The following PAPPA variants were observed in gnomAD, a reference collection of about 807,000 sequenced individuals.
PAPPA encodes pappalysin-1.
PAPPA carries 60 observed loss-of-function variants against 164.0 expected under a neutral mutation model. The ratio of observed to expected loss-of-function variants is 0.37; its 90% CI spans 0.30 to 0.45. The LOEUF (loss-of-function observed/expected upper bound fraction) is 0.45, where lower values mean the gene tolerates loss of function less well. Among genes scored for constraint, PAPPA ranks in the 20% least tolerant of loss-of-function variants. The pLI is 1.00. For synonymous variants in PAPPA, 875 were observed against 814.1 expected (o/e 1.07, Z -1.27); for missense variants, 1,782 against 2,087.3 (o/e 0.85, Z 2.85).
At chr9:116,218,970 AT>A (rs1265546906) in intron 4 of PAPPA, among the ~76,000 whole-genome samples, 1 of 152,086 alleles carries the variant, frequency 6.6e-6, no homozygotes, top group African/African-American at 2.4e-5. Flanking sequence ...GGAGTGGGAG[AT>A]GTTACTACTC....
Position 116,334,934 on chromosome 9 carries a change from C to T in PAPPA, c.3471C>T (p.Tyr1157=). 1 of 1,613,896 alleles carries T rather than the reference C, an allele frequency of 6.2e-7. No individual in the cohort carries two copies. The highest frequency in any genetic ancestry group is 2.2e-5 in the East Asian group (1 of 44,822). The change falls in exon 13 of 22, where the codon TAC becomes TAT. Residue 1157 remains tyrosine (Y), a synonymous_variant. Coordinates refer to ENST00000328252, the MANE Select transcript of PAPPA (RefSeq NM_002581.5). The part of the protein sequence containing the change: ...PVVHDLSQPF[Y]HSQAVRVSFS... ...TCCATGACCTCAGCCAGCCCTTCTA[C>T]CACAGCCAGGCGGTACGTGTGAGCT...
intron 7 of PAPPA, among the ~76,000 whole-genome samples, chr9:116,243,198 A>T (rs1587968768): frequency 6.6e-6 from 1 of 152,356 alleles, no homozygotes; most frequent in South Asian, 2.1e-4. Context: ...ATGCTGATTT[A>T]GTACAATCCC....
At chr9:116,351,611 G>A (rs1846283498) in intron 15 of PAPPA, among the ~76,000 whole-genome samples, 1 of 152,172 alleles carries the variant, frequency 6.6e-6, no homozygotes, top group Admixed American at 6.5e-5. Flanking sequence ...CATCTCTGTA[G>A]TTAGACAGAA....
intron 21 of PAPPA, among the ~76,000 whole-genome samples, chr9:116,383,268 T>C (rs1645181245): frequency 6.6e-6 from 1 of 152,218 alleles, no homozygotes; most frequent in Non-Finnish European, 1.5e-5. Context: ...TAGCCTGGGC[T>C]GAGAAGCGTT....
intron 19 of PAPPA, among the ~76,000 whole-genome samples, chr9:116,372,269 C>T (rs1170759275): frequency 6.6e-6 from 1 of 152,088 alleles, no homozygotes; most frequent in African/African-American, 2.4e-5. Context: ...TTTCTGCTTC[C>T]AAAGGGGGAC....
At chr9:116,387,756 G>A (rs931373633) in intron 21 of PAPPA, among the ~76,000 whole-genome samples, 7 of 152,194 alleles carry the variant, frequency 4.6e-5, no homozygotes. Flanking sequence ...GTTAGCAAGT[G>A]GTAAAGCTAA....
intron 1 of PAPPA, among the ~76,000 whole-genome samples, chr9:116,165,156 C>T (rs1358867307): frequency 6.6e-6 from 1 of 152,184 alleles, no homozygotes; most frequent in Non-Finnish European, 1.5e-5. Flanking sequence ...GTAGATCCTC[C>T]ATTGGTAGAT....
chr9:116,260,528 C>T (rs1364258789), intron 7 of PAPPA, among the ~76,000 whole-genome samples: 3 of 151,952 alleles, frequency 2.0e-5, no homozygotes, highest in Admixed American at 1.3e-4. Context: ...CAAAGTCATC[C>T]TAGGTGGTCC....
intron 3 of PAPPA, among the ~76,000 whole-genome samples, chr9:116,211,166 C>T (rs547329225): frequency 7.2e-5 from 11 of 152,138 alleles, no homozygotes; most frequent in South Asian, 2.1e-4. Context: ...TTACTCCACT[C>T]GATGTCACAG....
intron 9 of PAPPA, among the ~76,000 whole-genome samples, chr9:116,300,784 G>A (rs1845571043): frequency 6.6e-6 from 1 of 152,118 alleles, no homozygotes; most frequent in South Asian, 2.1e-4. Flanking sequence ...TGTTTCAAGT[G>A]AGCACTGATT....
At chr9:116,323,901 A>G (rs1467524800) in intron 10 of PAPPA, among the ~76,000 whole-genome samples, 1 of 152,222 alleles carries the variant, frequency 6.6e-6, no homozygotes, top group African/African-American at 2.4e-5. Context: ...AGTGAAGGTC[A>G]GAAAAAGTGA....
chr9:116,183,608 C>T (rs1843933186), intron 1 of PAPPA, among the ~76,000 whole-genome samples: 2 of 152,184 alleles, frequency 1.3e-5, no homozygotes, highest in Non-Finnish European at 2.9e-5. Context: ...TGCCACCATA[C>T]ACCCCCAACC....
intron 5 of PAPPA, among the ~76,000 whole-genome samples, chr9:116,224,694 G>C (rs537402470): frequency 1.9e-4 from 29 of 152,072 alleles, no homozygotes; most frequent in Admixed American, 3.3e-4. Flanking sequence ...AATGTGACTG[G>C]TGTGACTGAA....
intron 9 of PAPPA, among the ~76,000 whole-genome samples, chr9:116,284,703 C>T (rs919325947): frequency 3.3e-5 from 5 of 152,046 alleles, no homozygotes; most frequent in Admixed American, 1.3e-4. Flanking sequence ...CAACTGGTGG[C>T]GCCAGTAGCC....
chr9:116,388,329 T>G (rs1358659472), intron 21 of PAPPA, among the ~76,000 whole-genome samples: 1 of 152,210 alleles, frequency 6.6e-6, no homozygotes, highest in Non-Finnish European at 1.5e-5. Context: ...CCAGAATGGT[T>G]GCTCCAGTGG....
At chr9:116,185,450 AT>A (rs1167482255) in intron 1 of PAPPA, among the ~76,000 whole-genome samples, 1 of 152,044 alleles carries the variant, frequency 6.6e-6, no homozygotes. Flanking sequence ...TCCTCTATTG[AT>A]TTTGCTGGAA....
Position 116,334,989 on chromosome 9 carries a change from G to A in PAPPA, c.3526G>A (p.Val1176Met). 6.2e-7 allele frequency: 1 copy of A among 1,613,982 alleles called. No individual in the cohort carries two copies. Among genetic ancestry groups the A allele is most frequent in the South Asian group, 1.1e-5 (1 of 91,046 alleles). The change falls in exon 13 of 22, where the codon GTG (valine) becomes ATG (methionine). Residue 1176 changes from valine (V) to methionine (M), a missense_variant. By Grantham distance (21) the Val-to-Met change is conservative. This residue lies in a region of PAPPA where 1,324 missense variants were observed against 1,656.9 expected (regional missense o/e 0.80). Coordinates refer to ENST00000328252, the MANE Select transcript of PAPPA (RefSeq NM_002581.5). ...FSSPLVAISG[V>M]ALRSFDNFDP... ...TTCGCCCCTGGTCGCCATCTCGGGGGTGGCCCTCCGTTCCTTCGACAACTT... is the reference window on the plus strand; with the variant it reads ...TTCGCCCCTGGTCGCCATCTCGGGGATGGCCCTCCGTTCCTTCGACAACTT...
In PAPPA at chr9:116,220,570, T is replaced by C. The variant is rs1185385625; in HGVS notation, c.2111+441T>C. 1.3e-5 allele frequency among the ~76,000 whole-genome samples: 2 copies of C among 151,192 alleles called. 1 individual carries two copies. On this transcript the variant is annotated intron_variant, in intron 5 of 21. Coordinates refer to ENST00000328252, the MANE Select transcript of PAPPA (RefSeq NM_002581.5). ...TATATTTATGTGTGTCACGTGTGTA[T>C]ATAAGTACATATTTACATATAAGAA...
At chr9:116,217,637 G>C (rs960417867) in intron 4 of PAPPA, among the ~76,000 whole-genome samples, 2 of 140,386 alleles carry the variant, frequency 1.4e-5, no homozygotes, top group Non-Finnish European at 3.1e-5. Flanking sequence ...ACACATACAT[G>C]AGCACACGCA....
Sources: gnomAD v4.1 joint callset for allele counts (sites outside exome capture counted in the v4.1 genomes callset) on GRCh38, gnomAD v4.1.1 for gene constraint, gnomAD v4.1.1 regional missense constraint, MANE v1.5 for transcripts, NCBI Gene and HGNC (gene_info 2026-07-23, HGNC 2026-07-21) for gene names.